TRPV4: variants seen among roughly 807,000 people sequenced by gnomAD.
TRPV4 encodes transient receptor potential cation channel subfamily V member 4.
Under a neutral mutation model 84.1 loss-of-function variants are expected in TRPV4, and 58 were observed. The ratio of observed to expected loss-of-function variants is 0.69; its 90% confidence interval spans 0.56 to 0.86. TRPV4 has a LOEUF of 0.86. Among genes scored for constraint, TRPV4 ranks in the 40% least tolerant of loss-of-function variants. The pLI is 0.00. For synonymous variants in TRPV4, 489 were observed against 500.9 expected (o/e 0.98, Z 0.32); for missense variants, 879 against 1,181.1 (o/e 0.74, Z 3.75).
intron 12 of TRPV4, among the ~76,000 whole-genome samples, chr12:109,789,399 A>T (rs899528935): frequency 9.2e-5 from 14 of 152,088 alleles, no homozygotes; most frequent in African/African-American, 3.4e-4. Context: ...GGGCTCTGGA[A>T]TGCCCCTATT....
At chr12:109,821,059 C>T (rs1236573474) in intron 1 of TRPV4, among the ~76,000 whole-genome samples, 1 of 152,254 alleles carries the variant, frequency 6.6e-6, no homozygotes, top group Non-Finnish European at 1.5e-5. Context: ...TGCCTGATCT[C>T]ATGGAAACCC....
Position 109,786,592 on chromosome 12 carries a change from C to G in TRPV4, c.2336+118G>C. 2 of 1,387,494 alleles carry G rather than the reference C, an allele frequency of 1.4e-6. No homozygotes were observed. The highest frequency in any genetic ancestry group is 2.0e-6 in the Non-Finnish European group (2 of 1,006,318). The allele number at this position is 1,387,494 out of a possible 1,614,324, so 85.9% of individuals were successfully genotyped here. On this transcript the variant is annotated intron_variant, in intron 14 of 15. Coordinates refer to ENST00000261740, the MANE Select transcript of TRPV4 (RefSeq NM_021625.5). The surrounding 1 kb of genome is among the most constrained non-coding windows in gnomAD (Gnocchi z 4.5). ...GTGGAAATGAACTCTGCTCGGGCCT[C>G]TTGGGGCCTCAGTGGCTCCAGAAAT... is the stretch of plus-strand genomic sequence containing the variant.
intron 1 of TRPV4, among the ~76,000 whole-genome samples, chr12:109,818,383 G>A (rs1474419177): frequency 6.6e-6 from 1 of 151,602 alleles, no homozygotes; most frequent in Non-Finnish European, 1.5e-5. Context: ...CGCTGAGGTT[G>A]AGAAAATCTG....
At chr12:109,803,260 T>C (rs1565875151) in intron 3 of TRPV4, 117 bp from the exon 4 acceptor site, 5 of 1,231,534 alleles carry the variant, frequency 4.1e-6, no homozygotes, top group Non-Finnish European at 1.2e-6. Context: ...CAACATCTCC[T>C]CTCCAAGCCT....
rs12305544 is a variant in TRPV4 at position 109,808,652 on chromosome 12, G to A, written c.387-184C>T. The stretch of plus-strand genomic sequence containing the variant: ...TGTTTTATCCAACAAACTATAGCTA[G>A]TACCTACTGTGTGTTGGGTGGAGAC... On this transcript the variant is annotated intron_variant, in intron 2 of 15. Coordinates refer to ENST00000261740, the MANE Select transcript of TRPV4 (RefSeq NM_021625.5). 0.015 allele frequency among the ~76,000 whole-genome samples: 2,296 copies of A among 152,242 alleles called. 53 individuals carry two copies. The highest frequency in any genetic ancestry group is 0.052 in the African/African-American group (2,165 of 41,512).
rs763701945 is a variant in TRPV4 at position 109,794,330 on chromosome 12, G to A, written c.1490C>T (p.Thr497Ile). The change falls in exon 8 of 16, where the codon ACA becomes ATA. Residue 497 changes from threonine (T) to isoleucine (I), a missense_variant and splice_region_variant. Thr to Ile is a moderately conservative substitution (Grantham distance 89). Coordinates refer to ENST00000261740, the MANE Select transcript of TRPV4 (RefSeq NM_021625.5). ...CCTGCCCGGTCCCCGGGCACTCACT[G>A]TGCCCTCCAGCGGCTGGTAGTAGGC... is the stretch of plus-strand genomic sequence containing the variant. The part of the protein sequence containing the change: ...LTAYYQPLEG[T>I]PPYPYRTTVD... 6 of 1,611,810 alleles carry A rather than the reference G, an allele frequency of 3.7e-6. No homozygotes were observed.
intron 2 of TRPV4, among the ~76,000 whole-genome samples, chr12:109,811,458 G>A (rs943490407): frequency 2.6e-5 from 4 of 152,176 alleles, no homozygotes; most frequent in African/African-American, 7.2e-5. Flanking sequence ...AGTAGTTCGA[G>A]ACTAGCCTGG....
intron 2 of TRPV4, among the ~76,000 whole-genome samples, chr12:109,811,282 G>T (rs1040829530): frequency 6.6e-6 from 1 of 152,170 alleles, no homozygotes; most frequent in African/African-American, 2.4e-5. Context: ...GGAAAGTGCC[G>T]CCTGAGTAGA....
intron 6 of TRPV4, among the ~76,000 whole-genome samples, chr12:109,797,695 CA>C (rs1890494195): frequency 6.6e-6 from 1 of 152,118 alleles, no homozygotes; most frequent in African/African-American, 2.4e-5. Flanking sequence ...ATTTTTGCTA[CA>C]TTTTTTTTTA....
intron 1 of TRPV4, among the ~76,000 whole-genome samples, chr12:109,819,056 CGTGTACACATACACATAGGCAT>C (rs1565886400): frequency 2.6e-5 from 4 of 152,040 alleles, no homozygotes. Context: ...CACTAGCTCA[CGTGTACACATACACATAGGCAT>C]GTGTACACAC....
At chr12:109,832,971 G>A (rs1364355323) in intron 1 of TRPV4, among the ~76,000 whole-genome samples, 1 of 152,098 alleles carries the variant, frequency 6.6e-6, no homozygotes, top group Non-Finnish European at 1.5e-5. Context: ...ATGCTCAGGG[G>A]CCAAGGGCAA....
chr12:109,826,713 T>C (rs1892261191), intron 1 of TRPV4, among the ~76,000 whole-genome samples: 1 of 152,190 alleles, frequency 6.6e-6, no homozygotes, highest in Non-Finnish European at 1.5e-5. Flanking sequence ...GATGGCACAG[T>C]GGTGACAGGC....
chr12:109,829,738 G>C (rs989133418), intron 1 of TRPV4, among the ~76,000 whole-genome samples: 18 of 152,250 alleles, frequency 1.2e-4, no homozygotes, highest in African/African-American at 4.1e-4. Flanking sequence ...AGAGAGGCCA[G>C]GTGGCTTCCC....
chr12:109,786,034 T>A lies in TRPV4; in HGVS notation c.2336+676A>T, dbSNP rs957790322. On this transcript the variant is annotated intron_variant, in intron 14 of 15. Transcript: ENST00000261740. This position sits in a 1 kb window ranked among gnomAD's most constrained non-coding sequence, Gnocchi z 4.5. ...CAAACAAAAAATGGAATTGAACTGA[T>A]CGGATGGCCTAGGAGGTGGGTTCTA... Among the ~76,000 whole-genome samples the A allele has an allele frequency of 1.3e-5, 2 of 152,026 alleles. No homozygotes were observed. The highest frequency in any genetic ancestry group is 1.3e-4 in the Admixed American group (2 of 15,264).
At chr12:109,808,601 TTGGGGC>T in intron 2 of TRPV4, 133 bp from the exon 3 acceptor site, 2 of 778,490 alleles carry the variant, frequency 2.6e-6, no homozygotes. Context: ...GGTGAGGTAG[TTGGGGC>T]AGATGTAAAA....
Position 109,820,516 on chromosome 12 carries a change from A to ATTTTTT in TRPV4, c.-31-5695_-31-5690dup, listed in dbSNP as rs1166251387. ...GATCTTCACTTTCTTCAGCTGCCCT[A>ATTTTTT]TTTTTTTTTTTTTTTTTTTTTTTTT... On this transcript the variant is annotated intron_variant, in intron 1 of 15. Transcript: ENST00000261740. 1.2e-3 allele frequency among the ~76,000 whole-genome samples: 112 copies of ATTTTTT among 92,398 alleles called. 7 individuals carry two copies. The highest frequency in any genetic ancestry group is 5.0e-3 in the African/African-American group (100 of 20,096). The allele number at this position is 92,398 out of a possible 152,430, so 60.6% of individuals were successfully genotyped here.
intron 14 of TRPV4, 122 bp from the exon 15 acceptor site, chr12:109,784,559 G>C (rs1008620447): frequency 6.8e-7 from 1 of 1,465,054 alleles, no homozygotes; most frequent in South Asian, 1.2e-5. Flanking sequence ...GCTGGGCGTG[G>C]TGGCTCATGC....
intron 3 of TRPV4, 44 bp from the exon 4 acceptor site, chr12:109,803,187 G>A: frequency 1.9e-6 from 3 of 1,610,332 alleles, no homozygotes; most frequent in Non-Finnish European, 1.7e-6. Context: ...TCCAGCCCAT[G>A]ACCTTGAACT....
intron 1 of TRPV4, among the ~76,000 whole-genome samples, chr12:109,826,995 TAGC>T (rs1892268517): frequency 6.6e-6 from 1 of 151,418 alleles, no homozygotes; most frequent in Non-Finnish European, 1.5e-5. Context: ...TCCTGGCACA[TAGC>T]AGCTGCTCAA....
Sources: allele counts gnomAD v4.1 joint callset (sites outside exome capture counted in the v4.1 genomes callset), GRCh38; gene constraint gnomAD v4.1.1; non-coding constraint Gnocchi (gnomAD v3.1); transcripts MANE v1.5; gene names NCBI Gene and HGNC (gene_info 2026-07-23, HGNC 2026-07-21).